LPCAT1: variants seen among roughly 807,000 people sequenced by gnomAD.
LPCAT1 encodes 1-acylglycerol-3-phosphate O-acyltransferase.
LPCAT1 carries 23 observed loss-of-function variants against 60.9 expected under a neutral mutation model. The ratio of observed to expected loss-of-function variants is 0.38; its 90% confidence interval spans 0.27 to 0.53. The LOEUF (loss-of-function observed/expected upper bound fraction) is 0.53. Among genes scored for constraint, LPCAT1 ranks in the 20% least tolerant of loss-of-function variants. The pLI is 0.82. For missense variants in LPCAT1, 622 were observed against 723.6 expected (o/e 0.86, Z 1.61); for synonymous variants, 340 against 301.1 (o/e 1.13, Z -1.34).
chr5:1,467,005 A>C (rs1734441147), intron 12 of LPCAT1, 115 bp from the exon 13 acceptor site: 1 of 1,188,836 alleles, frequency 8.4e-7, no homozygotes, highest in Non-Finnish European at 1.1e-6. Context: ...GGGCACCTGC[A>C]GGGCCGGCGG....
chr5:1,481,120 C>A lies in LPCAT1; in HGVS notation c.727-144G>T. 1.0e-6 allele frequency: 1 copy of A among 1,004,986 alleles called. No homozygotes were observed. The highest frequency in any genetic ancestry group is 1.6e-5 in the African/African-American group (1 of 63,026). The allele number at this position is 1,004,986 out of a possible 1,614,324, so 62.3% of individuals were successfully genotyped here. A position where few individuals can be genotyped will look rare whatever the true frequency, so the allele number is the denominator to read the frequency against. ...GGGAAGGGAGGAGGGTGCTAGAGCT[C>A]CAGCTTCCCAGAGTCCCTGAGGATC... is the stretch of plus-strand genomic sequence containing the variant. On this transcript the variant is annotated intron_variant, in intron 6 of 13. Transcript: ENST00000283415. The surrounding 1 kb of genome is among the most constrained non-coding windows in gnomAD (Gnocchi z 7.8).
rs369833504 is a variant in LPCAT1 at position 1,470,857 on chromosome 5, C to T, written c.1247G>A (p.Arg416Gln). 1.4e-5 allele frequency: 23 copies of T among 1,613,514 alleles called. No homozygotes were observed. The East Asian group carries it at 1.6e-4, about 11-fold the overall frequency. ...VALSVVCRPARTLDTIQLAFK... is the reference protein window; with the variant it reads ...VALSVVCRPAQTLDTIQLAFK... The stretch of plus-strand genomic sequence containing the variant: ...AGCCAGCTGGATGGTGTCCAGGGTC[C>T]GGGCCGGCCGGCAGACGACAGACAG... The change falls in exon 12 of 14, where the codon CGG becomes CAG. Residue 416 changes from arginine to glutamine, a missense_variant. By Grantham distance (43) the Arg-to-Gln change is conservative. Around this residue, in one of 3 missense-constraint regions of LPCAT1, gnomAD observed 288 missense variants for 283.6 expected, o/e 1.02. Coordinates refer to ENST00000283415, the MANE Select transcript of LPCAT1 (RefSeq NM_024830.5).
At position 1,501,565 on chromosome 5, in the gene LPCAT1, G is replaced by A. The variant is rs769411421; in HGVS notation, c.174C>T (p.Leu58=). ...GCAGCATCATGGCAGCGGCAACCAG[G>A]AGCCGGACCGGGAAGAGCGTCAGTG... The part of the protein sequence containing the change: ...LMTLTLFPVR[L]LVAAAMMLLA... The change falls in exon 2 of 14, where the codon CTC becomes CTT. Residue 58 remains leucine (L), a synonymous_variant. Transcript: ENST00000283415. The A allele has an allele frequency of 6.2e-7, 1 of 1,613,960 alleles. No individual in the cohort carries two copies. Among genetic ancestry groups the A allele is most frequent in the African/African-American group, 1.3e-5 (1 of 75,058 alleles).
In LPCAT1 at chr5:1,461,579, G is replaced by C. The variant is rs1734093820; in HGVS notation, c.*2072C>G. On this transcript the variant is annotated 3_prime_UTR_variant, in exon 14 of 14. Transcript: ENST00000283415. ...CGGGTCTGGCCCCCAGGCCACCAGG[G>C]GCCCGCTGCGTCCTGTCTCACACAC... 1 of 152,698 alleles carries C rather than the reference G, an allele frequency of 6.5e-6. No homozygotes were observed. The highest frequency in any genetic ancestry group is 6.5e-5 in the Admixed American group (1 of 15,288). The allele number at this position is 152,698 out of a possible 1,614,324, so 9.5% of individuals were successfully genotyped here. A position where few individuals can be genotyped will look rare whatever the true frequency, so the allele number is the denominator to read the frequency against.
At chr5:1,463,968 C>T in intron 13 of LPCAT1, 133 bp from the exon 14 acceptor site, 1 of 891,720 alleles carries the variant, frequency 1.1e-6, no homozygotes, top group Non-Finnish European at 1.7e-6. Flanking sequence ...GTCTGTGAAA[C>T]GGATGCTTTC....
intron 12 of LPCAT1, among the ~76,000 whole-genome samples, chr5:1,467,922 TCGC>T (rs1235946940): frequency 2.0e-5 from 3 of 152,062 alleles, no homozygotes; most frequent in Non-Finnish European, 4.4e-5. Flanking sequence ...GACGGGGCCG[TCGC>T]CCTGACTCCG....
intron 1 of LPCAT1, among the ~76,000 whole-genome samples, chr5:1,515,306 C>T (rs948978645): frequency 1.1e-4 from 16 of 151,080 alleles, no homozygotes; most frequent in Non-Finnish European, 2.2e-4. Context: ...GAGTCCCCAG[C>T]CTGCCCGGCC....
chr5:1,471,190 C>T (rs551301751), intron 11 of LPCAT1, among the ~76,000 whole-genome samples: 104 of 152,290 alleles, frequency 6.8e-4, no homozygotes, highest in African/African-American at 2.0e-3. Context: ...AAAGCACACG[C>T]GATGCAATGC....
chr5:1,513,644 T>A (rs761913879), intron 1 of LPCAT1, among the ~76,000 whole-genome samples: 2 of 152,000 alleles, frequency 1.3e-5, no homozygotes, highest in Non-Finnish European at 2.9e-5. Flanking sequence ...CACCCTGCGA[T>A]TATGTTTCCT....
chr5:1,477,147 T>A lies in LPCAT1; in HGVS notation c.899+257A>T, dbSNP rs1051787070. Among the ~76,000 whole-genome samples the A allele has an allele frequency of 1.3e-5, 2 of 152,142 alleles. No individual in the cohort carries two copies. Among genetic ancestry groups the A allele is most frequent in the Non-Finnish European group, 2.9e-5 (2 of 68,030 alleles). ...GGCACAGGAAACATAGGACCTGGGG[T>A]GACCAACGGCTGCAGGCAGGTCTGG... On this transcript the variant is annotated intron_variant, in intron 9 of 13. Transcript: ENST00000283415. The surrounding 1 kb of genome is among the most constrained non-coding windows in gnomAD (Gnocchi z 6.0).
intron 7 of LPCAT1, among the ~76,000 whole-genome samples, chr5:1,479,954 C>T (rs1441654379): frequency 2.6e-5 from 4 of 151,900 alleles, no homozygotes; most frequent in East Asian, 1.9e-4. Context: ...CAGGAGACCT[C>T]GTACAGCCCA....
At chr5:1,465,648 G>A (rs1269205712) in intron 13 of LPCAT1, among the ~76,000 whole-genome samples, 2 of 150,680 alleles carry the variant, frequency 1.3e-5, no homozygotes, top group African/African-American at 4.9e-5. Context: ...GCACAGACAC[G>A]GTAACTAAAC....
intron 3 of LPCAT1, among the ~76,000 whole-genome samples, chr5:1,491,283 T>C (rs538723937): frequency 1.0e-5 from 1 of 99,902 alleles, no homozygotes; most frequent in African/African-American, 3.4e-5. Flanking sequence ...TGGCCCTGAT[T>C]GCGTGGTCTT....
At chr5:1,470,321 C>T (rs1304220211) in intron 12 of LPCAT1, among the ~76,000 whole-genome samples, 2 of 152,364 alleles carry the variant, frequency 1.3e-5, no homozygotes, top group African/African-American at 2.4e-5. Context: ...CAGGGAGCAG[C>T]GACTCCCTGT....
chr5:1,494,993 G>T (rs1033438452), intron 2 of LPCAT1, 79 bp from the exon 3 acceptor site: 2 of 1,348,698 alleles, frequency 1.5e-6, no homozygotes, highest in East Asian at 5.1e-5. Context: ...GCGGTCCCAC[G>T]GGAGAGCCCT....
intron 1 of LPCAT1, among the ~76,000 whole-genome samples, chr5:1,505,834 G>C (rs1170151188): frequency 6.6e-6 from 1 of 152,218 alleles, no homozygotes; most frequent in Non-Finnish European, 1.5e-5. Context: ...GGAGGACTGT[G>C]TGAACAAGCG....
chr5:1,512,539 A>G (rs1487251173), intron 1 of LPCAT1, among the ~76,000 whole-genome samples: 1 of 152,238 alleles, frequency 6.6e-6, no homozygotes, highest in East Asian at 1.9e-4. Flanking sequence ...GCCACATCTC[A>G]GACTTTCAAC....
At chr5:1,468,517 G>C (rs112990245) in intron 12 of LPCAT1, among the ~76,000 whole-genome samples, 1 of 152,178 alleles carries the variant, frequency 6.6e-6, no homozygotes, top group Non-Finnish European at 1.5e-5. Context: ...CATGAGAACT[G>C]CAGATGCAGA....
chr5:1,500,562 T>C (rs900415292), intron 2 of LPCAT1, among the ~76,000 whole-genome samples: 2 of 151,968 alleles, frequency 1.3e-5, no homozygotes, highest in East Asian at 1.9e-4. Context: ...CAGGCCAACG[T>C]TGGCTGACAT....
Sources: gnomAD v4.1 joint callset for allele counts (sites outside exome capture counted in the v4.1 genomes callset) on GRCh38, gnomAD v4.1.1 for gene constraint, gnomAD v4.1.1 regional missense constraint, Gnocchi (gnomAD v3.1) non-coding constraint, MANE v1.5 for transcripts, NCBI Gene and HGNC (gene_info 2026-07-23, HGNC 2026-07-21) for gene names.